Variants in MYCBP2 observed in about 807,000 individuals in gnomAD.
MYCBP2 encodes the protein E3 ubiquitin-protein ligase MYCBP2.
MYCBP2 carries 120 observed loss-of-function variants against 525.3 expected under a neutral mutation model. The observed-to-expected ratio is 0.23, with a 90% confidence interval of 0.20 to 0.27. MYCBP2 has a LOEUF of 0.27. Ranked by LOEUF, MYCBP2 falls within the 10% of genes least tolerant of loss-of-function variation. The pLI is 1.00. For synonymous variants in MYCBP2, 1,894 were observed against 1,955.8 expected (o/e 0.97, Z 0.83); for missense variants, 4,149 against 5,657.1 (o/e 0.73, Z 8.55).
chr13:77,076,862 TGCA>T lies in MYCBP2; in HGVS notation c.11725-16_11725-14del. On this transcript the variant is annotated splice_polypyrimidine_tract_variant and intron_variant, in intron 67 of 82. Coordinates refer to ENST00000544440, the MANE Select transcript of MYCBP2 (RefSeq NM_015057.5). ...GCTTTCCAAATACCTGATGAAGATA[TGCA>T]TGTGAGAAGGAATTAATGACAGGCA... 6.3e-7 allele frequency: 1 copy of T among 1,575,796 alleles called. No homozygotes were observed. Among genetic ancestry groups the T allele is most frequent in the Non-Finnish European group, 8.7e-7 (1 of 1,147,652 alleles).
intron 52 of MYCBP2, among the ~76,000 whole-genome samples, chr13:77,136,500 T>C (rs1353788341): frequency 6.6e-6 from 1 of 152,188 alleles, no homozygotes; most frequent in African/African-American, 2.4e-5. Context: ...GCTATTTCTG[T>C]CACAGCAGCT....
chr13:77,168,353 G>A (rs1290995602), intron 40 of MYCBP2, 75 bp downstream of exon 40: 8 of 1,229,556 alleles, frequency 6.5e-6, no homozygotes, highest in Non-Finnish European at 9.4e-6. Context: ...ATACAGGCCA[G>A]GCATTCTTTA....
intron 82 of MYCBP2, among the ~76,000 whole-genome samples, chr13:77,046,102 A>G (rs979751681): frequency 2.6e-4 from 39 of 152,336 alleles, no homozygotes; most frequent in African/African-American, 9.1e-4. Flanking sequence ...TGGAAAAAAC[A>G]CTTTGGGGAA....
chr13:77,231,243 T>C (rs1431214226), intron 18 of MYCBP2, among the ~76,000 whole-genome samples: 1 of 152,148 alleles, frequency 6.6e-6, no homozygotes, highest in Non-Finnish European at 1.5e-5. Context: ...TGTTATAAAG[T>C]AACCCCATGA....
Position 77,267,934 on chromosome 13 carries a change from A to G in MYCBP2, c.1264T>C (p.Tyr422His), listed in dbSNP as rs763587204. Reference sequence around the variant, plus strand: ...TTATTCACATCTCTATATAATAAATAACCCTGATAACAGCAAAAAATTTTC... The same window carrying G: ...TTATTCACATCTCTATATAATAAATGACCCTGATAACAGCAAAAAATTTTC... ...KKSWLGYAQG[Y>H]LLYRDVNNHS... Residue 422 changes from tyrosine to histidine, a missense_variant, in exon 8 of 83, where the codon TAT (tyrosine) becomes CAT (histidine). Coordinates refer to ENST00000544440, the MANE Select transcript of MYCBP2 (RefSeq NM_015057.5). 1.9e-6 allele frequency: 3 copies of G among 1,608,114 alleles called. No individual in the cohort carries two copies. The South Asian group carries it at 3.3e-5, about 18-fold the overall frequency.
intron 2 of MYCBP2, among the ~76,000 whole-genome samples, chr13:77,294,346 A>G (rs2077947304): frequency 6.6e-6 from 1 of 151,676 alleles, no homozygotes; most frequent in African/African-American, 2.4e-5. Context: ...TTGTATCCCA[A>G]ACATCCAGCA....
intron 37 of MYCBP2, 62 bp from the exon 38 acceptor site, chr13:77,171,696 G>T (rs2059156294): frequency 1.3e-6 from 2 of 1,498,954 alleles, no homozygotes; most frequent in Middle Eastern, 1.7e-4. Flanking sequence ...TCCAGTGCCA[G>T]AAATCATATC....
chr13:77,316,793 G>A (rs1484214027), intron 1 of MYCBP2, among the ~76,000 whole-genome samples: 6 of 152,184 alleles, frequency 3.9e-5, no homozygotes, highest in East Asian at 1.9e-4. Flanking sequence ...GGCCTTTCTC[G>A]TGTCCATTTA....
At chr13:77,109,878 A>T (rs1165518476) in intron 55 of MYCBP2, 1 of 152,198 alleles carries the variant, frequency 6.6e-6, no homozygotes, top group African/African-American at 2.4e-5. Context: ...GATTTCATGG[A>T]CATTTATCAG....
intron 44 of MYCBP2, among the ~76,000 whole-genome samples, chr13:77,161,179 C>T (rs1241042863): frequency 6.6e-6 from 1 of 152,162 alleles, no homozygotes; most frequent in Non-Finnish European, 1.5e-5. Flanking sequence ...TCTACAGATT[C>T]TGATATTTCC....
In MYCBP2 at chr13:77,095,391, T is replaced by G; in HGVS notation, c.10166A>C (p.Lys3389Thr). Residue 3389 changes from lysine (K) to threonine (T), a missense_variant, in exon 58 of 83, where the codon AAA becomes ACA. Physicochemically the swap from Lys to Thr is moderately conservative, Grantham distance 78 (BLOSUM62 -1). Around this residue, in one of 21 missense-constraint regions of MYCBP2, gnomAD observed 509 missense variants for 789.4 expected, o/e 0.64. Coordinates refer to ENST00000544440, the MANE Select transcript of MYCBP2 (RefSeq NM_015057.5). ...KEGISEDLPVKMPCLYLQTLA... is the reference protein window; with the variant it reads ...KEGISEDLPVTMPCLYLQTLA... Reference sequence around the variant, plus strand: ...TGTCTGCAGGTAGAGACAAGGCATTTTCACAGGAAGATCCTCAGAAATGCC... The same window carrying G: ...TGTCTGCAGGTAGAGACAAGGCATTGTCACAGGAAGATCCTCAGAAATGCC... The G allele has an allele frequency of 1.2e-6, 2 of 1,613,412 alleles. No homozygotes were observed. The highest frequency in any genetic ancestry group is 1.7e-6 in the Non-Finnish European group (2 of 1,179,648).
At chr13:77,309,238 A>G (rs1217267459) in intron 1 of MYCBP2, among the ~76,000 whole-genome samples, 1 of 152,202 alleles carries the variant, frequency 6.6e-6, no homozygotes, top group African/African-American at 2.4e-5. Context: ...GTGTTGGCTC[A>G]TTATAATTTC....
intron 4 of MYCBP2, among the ~76,000 whole-genome samples, chr13:77,277,414 A>AG (rs1320989163): frequency 6.6e-6 from 1 of 152,124 alleles, no homozygotes; most frequent in African/African-American, 2.4e-5. Context: ...TGTGTATGTG[A>AG]GGGGGGTGGT....
At chr13:77,135,344 C>A (rs1344379828) in intron 52 of MYCBP2, among the ~76,000 whole-genome samples, 1 of 152,264 alleles carries the variant, frequency 6.6e-6, no homozygotes, top group East Asian at 1.9e-4. Flanking sequence ...GTTTTTCCAG[C>A]AGTAAATGTA....
At chr13:77,325,555 T>G (rs2082184812) in intron 1 of MYCBP2, among the ~76,000 whole-genome samples, 1 of 152,088 alleles carries the variant, frequency 6.6e-6, no homozygotes, top group Admixed American at 6.5e-5. Context: ...AAGCTGAAGG[T>G]GTAGCCAACC....
At chr13:77,324,316 G>A (rs1349038809) in intron 1 of MYCBP2, among the ~76,000 whole-genome samples, 2 of 152,070 alleles carry the variant, frequency 1.3e-5, no homozygotes, top group African/African-American at 4.8e-5. Context: ...TAAACCTGAT[G>A]CTCACTAGAG....
At chr13:77,245,020 G>T (rs1358572822) in intron 15 of MYCBP2, among the ~76,000 whole-genome samples, 1 of 152,150 alleles carries the variant, frequency 6.6e-6, no homozygotes, top group African/African-American at 2.4e-5. Context: ...ACCATCACTG[G>T]TCATTAGAGA....
At chr13:77,226,593 A>G (rs1029364599) in intron 18 of MYCBP2, among the ~76,000 whole-genome samples, 2 of 152,210 alleles carry the variant, frequency 1.3e-5, no homozygotes, top group Non-Finnish European at 2.9e-5. Flanking sequence ...ACATATGTGA[A>G]TCTACAGACA....
At chr13:77,288,038 C>G (rs1197760231) in intron 3 of MYCBP2, 123 bp downstream of exon 3, 2 of 948,002 alleles carry the variant, frequency 2.1e-6, no homozygotes, top group African/African-American at 3.3e-5. Context: ...TGCCCATAAG[C>G]CGTGTTATTT....
Sources: allele counts gnomAD v4.1 joint callset (sites outside exome capture counted in the v4.1 genomes callset), GRCh38; gene constraint gnomAD v4.1.1; regional missense constraint gnomAD v4.1.1; transcripts MANE v1.5; gene names NCBI Gene and HGNC (gene_info 2026-07-23, HGNC 2026-07-21).